Variants in ARHGAP15 observed in about 807,000 individuals in gnomAD.
The protein encoded by ARHGAP15 is Rho GTPase activating protein 15, also known as rho GTPase-activating protein 15.
Under a neutral mutation model 63.7 loss-of-function variants are expected in ARHGAP15, and 51 were observed. The observed-to-expected ratio is 0.80, with a 90% CI of 0.64 to 1.01. ARHGAP15 has a LOEUF of 1.01. Among genes scored for constraint, ARHGAP15 ranks in the 50% least tolerant of loss-of-function variants. ARHGAP15 has a pLI of 0.00. For synonymous variants in ARHGAP15, 191 were observed against 193.8 expected (o/e 0.99, Z 0.12); for missense variants, 560 against 564.6 (o/e 0.99, Z 0.08).
chr2:143,593,383 A>C (rs533774490), intron 11 of ARHGAP15: 18 of 152,230 alleles, frequency 1.2e-4, no homozygotes, highest in Non-Finnish European at 2.1e-4. Flanking sequence ...TAATTTAAAG[A>C]TGATAGTGAG....
At chr2:143,614,529 C>A (rs890322915) in intron 11 of ARHGAP15, among the ~76,000 whole-genome samples, 4 of 152,036 alleles carry the variant, frequency 2.6e-5, no homozygotes, top group Admixed American at 6.6e-5. Flanking sequence ...TGTGTGTATA[C>A]ATATATCTAT....
rs181228564 is a variant in ARHGAP15, at chr2:143,158,708, G to A, written c.165+3053G>A. Among the ~76,000 whole-genome samples the A allele has an allele frequency of 1.2e-4, 19 of 152,032 alleles. No individual in the cohort carries two copies. In the East Asian group the frequency reaches 2.7e-3, roughly 22 times the overall value. On this transcript the variant is annotated intron_variant, in intron 2 of 13. Coordinates refer to ENST00000295095, the MANE Select transcript of ARHGAP15 (RefSeq NM_018460.4). ...GGGGAAAGAACAGTCTTTGGTCTCA[G>A]TGATTTGTTGTCCCGTCCTGAGCAC...
intron 13 of ARHGAP15, among the ~76,000 whole-genome samples, chr2:143,731,533 C>T (rs1439032869): frequency 6.6e-6 from 1 of 152,182 alleles, no homozygotes; most frequent in Non-Finnish European, 1.5e-5. Flanking sequence ...CCTCTGTGCG[C>T]TCTCTGCCTA....
chr2:143,667,582 T>TAAAAA (rs71338146), intron 12 of ARHGAP15, among the ~76,000 whole-genome samples: 30 of 138,958 alleles, frequency 2.2e-4, no homozygotes, highest in African/African-American at 8.2e-4. Flanking sequence ...TAAAAAAAAT[T>TAAAAA]AAAAAAAAAA....
At chr2:143,559,677 A>G (rs368928540) in intron 11 of ARHGAP15, among the ~76,000 whole-genome samples, 4 of 152,210 alleles carry the variant, frequency 2.6e-5, no homozygotes, top group African/African-American at 7.2e-5. Context: ...CATCTGGACC[A>G]GGACTCTAAT....
At chr2:143,289,158 A>C (rs1047906143) in intron 6 of ARHGAP15, among the ~76,000 whole-genome samples, 1 of 151,860 alleles carries the variant, frequency 6.6e-6, no homozygotes, top group Non-Finnish European at 1.5e-5. Flanking sequence ...GTTTAACAGA[A>C]AATAGTTGGA....
chr2:143,303,828 A>C (rs1261085609), intron 6 of ARHGAP15, among the ~76,000 whole-genome samples: 2 of 152,224 alleles, frequency 1.3e-5, no homozygotes, highest in Non-Finnish European at 2.9e-5. Context: ...GAAGACATTT[A>C]TGCAGCCAAC....
At chr2:143,288,236 A>C (rs568428043) in intron 6 of ARHGAP15, among the ~76,000 whole-genome samples, 1 of 152,292 alleles carries the variant, frequency 6.6e-6, no homozygotes, top group South Asian at 2.1e-4. Flanking sequence ...ATGCACACTC[A>C]GTTCAGTCCT....
chr2:143,736,535 A>ACAG (rs1559152949), intron 13 of ARHGAP15, among the ~76,000 whole-genome samples: 2 of 152,190 alleles, frequency 1.3e-5, no homozygotes, highest in Non-Finnish European at 1.5e-5. Flanking sequence ...TGTAGAGTGT[A>ACAG]TAGTTATAGA....
At chr2:143,534,471 A>C (rs10171589) in intron 10 of ARHGAP15, among the ~76,000 whole-genome samples, 124,772 of 152,128 alleles carry the variant, frequency 0.82, 51,282 homozygotes, top group South Asian at 0.85. Context: ...TGAGAGAAGT[A>C]CCTGTATTCT....
At chr2:143,537,260 T>C (rs552476743) in intron 10 of ARHGAP15, among the ~76,000 whole-genome samples, 1 of 152,300 alleles carries the variant, frequency 6.6e-6, no homozygotes, top group Non-Finnish European at 1.5e-5. Flanking sequence ...TTGAGTTCAT[T>C]GTAGATTCTG....
rs869266541 is a variant in ARHGAP15 at position 143,606,035 on chromosome 2, C to CAAAAAAAAAAAAAAA, written c.1004-18077_1004-18063dup. 1.7e-3 allele frequency among the ~76,000 whole-genome samples: 40 copies of CAAAAAAAAAAAAAAA among 22,866 alleles called. 7 individuals carry two copies. Among genetic ancestry groups the CAAAAAAAAAAAAAAA allele is most frequent in the Admixed American group, 2.6e-3 (3 of 1,162 alleles). The allele number at this position is 22,866 out of a possible 152,430, so 15.0% of individuals were successfully genotyped here. ...TGGGCGCCAGAGCAAGACTCTGTCT[C>CAAAAAAAAAAAAAAA]AAAAAAAAAAAAAAAAAAAAAAAAA... On this transcript the variant is annotated intron_variant, in intron 11 of 13. Transcript: ENST00000295095.
chr2:143,680,970 C>T (rs1683072451), intron 12 of ARHGAP15, among the ~76,000 whole-genome samples: 1 of 152,204 alleles, frequency 6.6e-6, no homozygotes. Flanking sequence ...TTCTAAATCT[C>T]TTCATAGTAG....
chr2:143,350,977 T>G (rs140732212), intron 6 of ARHGAP15: 1 of 151,456 alleles, frequency 6.6e-6, no homozygotes, highest in Non-Finnish European at 1.5e-5. Context: ...TCTATTATAG[T>G]ATGTAAGTAA....
intron 13 of ARHGAP15, among the ~76,000 whole-genome samples, chr2:143,731,735 A>ATTAT (rs1286015345): frequency 2.0e-5 from 3 of 152,182 alleles, no homozygotes; most frequent in Non-Finnish European, 4.4e-5. Flanking sequence ...GGCTATGCTT[A>ATTAT]TTATTTTTTG....
At chr2:143,139,034 G>A (rs1335409053) in intron 1 of ARHGAP15, among the ~76,000 whole-genome samples, 2 of 151,816 alleles carry the variant, frequency 1.3e-5, no homozygotes, top group East Asian at 1.9e-4. Flanking sequence ...CTCTTTTGAC[G>A]TTCTTATAAT....
chr2:143,229,763 A>G (rs1466341407), intron 5 of ARHGAP15, among the ~76,000 whole-genome samples: 2 of 152,204 alleles, frequency 1.3e-5, no homozygotes, highest in Non-Finnish European at 2.9e-5. Context: ...CTCTTTAAAT[A>G]GAAAATAGAA....
intron 3 of ARHGAP15, among the ~76,000 whole-genome samples, chr2:143,202,539 T>C (rs773931822): frequency 2.0e-5 from 3 of 152,092 alleles, no homozygotes; most frequent in Non-Finnish European, 2.9e-5. Flanking sequence ...AGCTTGCTTT[T>C]TCAAAGCATC....
At chr2:143,375,933 A>T (rs980741007) in intron 6 of ARHGAP15, among the ~76,000 whole-genome samples, 1 of 152,240 alleles carries the variant, frequency 6.6e-6, no homozygotes, top group African/African-American at 2.4e-5. Flanking sequence ...CTTTAAAGAA[A>T]AAGTAGAAAA....
Sources: gnomAD v4.1 joint callset for allele counts (sites outside exome capture counted in the v4.1 genomes callset) on GRCh38, gnomAD v4.1.1 for gene constraint, MANE v1.5 for transcripts, NCBI Gene and HGNC (gene_info 2026-07-23, HGNC 2026-07-21) for gene names.